The following PRSS22 variants were observed in gnomAD, a reference collection of about 807,000 sequenced individuals.
PRSS22 encodes serine protease 22, also known as brain-specific serine protease 4.
A neutral mutation model predicts 28.0 loss-of-function variants in PRSS22; 26 were observed. That is an observed-to-expected ratio of 0.93 (90% CI 0.68 to 1.29). The LOEUF is 1.29. Ranked by LOEUF, PRSS22 falls within the 50% of genes most tolerant of loss-of-function variation. PRSS22 has a pLI of 0.00. For synonymous variants in PRSS22, 217 were observed against 177.9 expected (o/e 1.22, Z -1.75); for missense variants, 444 against 422.1 (o/e 1.05, Z -0.46).
At chr16:2,855,445 T>C (rs2069445662) in intron 4 of PRSS22, 129 bp downstream of exon 4, 1 of 1,000,988 alleles carries the variant, frequency 1.0e-6, no homozygotes, top group Admixed American at 2.6e-5. Context: ...AGCCCATCTT[T>C]CCTTCCACCT....
In PRSS22 at chr16:2,857,224, TAGTGAGGAGGGTTCCCCAGCGCCC is replaced by T. The variant is rs1567291551; in HGVS notation, c.83-400_83-377del. On this transcript the variant is annotated intron_variant, in intron 1 of 5. Coordinates refer to ENST00000161006, the MANE Select transcript of PRSS22 (RefSeq NM_022119.4). ...CCAGTGAGGAGGGCTCCCCAGCGCC[TAGTGAGGAGGGTTCCCCAGCGCCC>T]AGTGAGGAGGGGTCCCCAGCGCCCA... 4.7e-3 allele frequency: 123 copies of T among 26,180 alleles called. 7 individuals are homozygous for T. Among genetic ancestry groups the T allele is most frequent in the East Asian group, 5.5e-3 (8 of 1,446 alleles). 1.6% of individuals were successfully genotyped at this position (26,180 alleles called of 1,614,324 possible). A position where few individuals can be genotyped will look rare whatever the true frequency, so the allele number is the denominator to read the frequency against.
Position 2,853,916 on chromosome 16 carries a change from A to G in PRSS22, c.666T>C (p.Thr222=), listed in dbSNP as rs1319861993. The G allele has an allele frequency of 1.2e-6, 2 of 1,614,136 alleles. No homozygotes were observed. Among genetic ancestry groups the G allele is most frequent in the East Asian group, 4.5e-5 (2 of 44,866 alleles). ...YWRGAGQGPI[T]EDMLCAGYLE... Reference sequence around the variant, plus strand: ...AGTAGCCGGCACACAGCATGTCCTCAGTGATGGGTCCCTGTCCTGCTCCCC... The same window carrying G: ...AGTAGCCGGCACACAGCATGTCCTCGGTGATGGGTCCCTGTCCTGCTCCCC... The change falls in exon 5 of 6, where the codon ACT becomes ACC. Residue 222 remains threonine, a synonymous_variant. Transcript: ENST00000161006. This position sits in a 1 kb window ranked among gnomAD's most constrained non-coding sequence, Gnocchi z 4.6.
At chr16:2,856,511 C>G (rs550400028) in intron 2 of PRSS22, among the ~76,000 whole-genome samples, 32 of 152,064 alleles carry the variant, frequency 2.1e-4, no homozygotes, top group Admixed American at 2.6e-4. Context: ...TCACTCTCTG[C>G]TGGTCCTCAC....
intron 4 of PRSS22, 56 bp downstream of exon 4, chr16:2,855,518 C>T (rs1054101202): frequency 4.4e-6 from 7 of 1,591,912 alleles, no homozygotes; most frequent in South Asian, 2.3e-5. Flanking sequence ...CCCTGAGTGT[C>T]TGCCATCCTC....
At position 2,852,892 on chromosome 16, in the gene PRSS22, C is replaced by CT. The variant is rs1325224674; in HGVS notation, c.*200dup. 1.8e-5 allele frequency: 10 copies of CT among 555,172 alleles called. No homozygotes were observed. Among genetic ancestry groups the CT allele is most frequent in the Non-Finnish European group, 3.1e-5 (10 of 320,224 alleles). The allele number at this position is 555,172 out of a possible 1,614,324, so 34.4% of individuals were successfully genotyped here. On this transcript the variant is annotated 3_prime_UTR_variant, in exon 6 of 6. Coordinates refer to ENST00000161006, the MANE Select transcript of PRSS22 (RefSeq NM_022119.4). ...GGGACATGAGGCCGTTGGGCGGGGCCTGATGCCTTGGAGGCGGGGCCTGAG... is the reference window on the plus strand; with the variant it reads ...GGGACATGAGGCCGTTGGGCGGGGCCTTGATGCCTTGGAGGCGGGGCCTGAG...
At chr16:2,854,432 T>G (rs1376622299) in intron 4 of PRSS22, 2 of 178,406 alleles carry the variant, frequency 1.1e-5, no homozygotes, top group Admixed American at 1.1e-4. Flanking sequence ...GACTGTGGTC[T>G]GCAGATTGTG....
At position 2,853,329 on chromosome 16, in the gene PRSS22, C is replaced by A; in HGVS notation, c.718G>T (p.Gly240Cys). The A allele has an allele frequency of 6.3e-7, 1 of 1,594,590 alleles. No individual in the cohort carries two copies. Among genetic ancestry groups the A allele is most frequent in the Non-Finnish European group, 8.5e-7 (1 of 1,177,726 alleles). ...CACATGAGGGGGCCCCCGGAGTCGC[C>A]CTGCAGAGAGGAGGCGAGGTTAGGA... ...YLEGERDACL[G>C]DSGGPLMCQV... Residue 240 changes from glycine (G) to cysteine (C), a missense_variant and splice_region_variant, in exon 6 of 6, where the codon GGC becomes TGC. Transcript: ENST00000161006. The surrounding 1 kb of genome is among the most constrained non-coding windows in gnomAD (Gnocchi z 4.6).
In PRSS22 at chr16:2,855,794, G is replaced by T; in HGVS notation, c.339C>A (p.Asn113Lys). The change falls in exon 4 of 6, where the codon AAC becomes AAA. Residue 113 changes from asparagine (N) to lysine (K), a missense_variant. By Grantham distance (94) the Asn-to-Lys change is moderately conservative. Coordinates refer to ENST00000161006, the MANE Select transcript of PRSS22 (RefSeq NM_022119.4). Reference sequence around the variant, plus strand: ...CCACCTTCTGGGACCGAGAGCCAGGGTTCCCCAGCTGCCAGGCCCCCAGCA... The same window carrying T: ...CCACCTTCTGGGACCGAGAGCCAGGTTTCCCCAGCTGCCAGGCCCCCAGCA... ...SVLLGAWQLG[N>K]PGSRSQKVGV... 1.9e-6 allele frequency: 3 copies of T among 1,613,972 alleles called. No homozygotes were observed. The highest frequency in any genetic ancestry group is 1.7e-5 in the Admixed American group (1 of 60,018).
At position 2,856,069 on chromosome 16, in the gene PRSS22, C is replaced by T. The variant is rs374618225; in HGVS notation, c.281+13G>A. 1.6e-5 allele frequency: 25 copies of T among 1,611,072 alleles called. No individual in the cohort carries two copies. The Admixed American group carries it at 1.8e-4, about 12-fold the overall frequency. On this transcript the variant is annotated intron_variant, in intron 3 of 5. Coordinates refer to ENST00000161006, the MANE Select transcript of PRSS22 (RefSeq NM_022119.4). Reference sequence around the variant, plus strand: ...CCTTAGAAGATCAAGTGCCCCAGGCCGGCTGTACATACTCCTTGAAACAGT... The same window carrying T: ...CCTTAGAAGATCAAGTGCCCCAGGCTGGCTGTACATACTCCTTGAAACAGT...
At chr16:2,855,484 C>A (rs1333448824) in intron 4 of PRSS22, 90 bp downstream of exon 4, 4 of 1,470,358 alleles carry the variant, frequency 2.7e-6, no homozygotes, top group African/African-American at 2.8e-5. Flanking sequence ...GGCCTCCACC[C>A]TTTGTTGCTC....
At position 2,855,718 on chromosome 16, in the gene PRSS22, A is replaced by G. The variant is rs771750930; in HGVS notation, c.415T>C (p.Cys139Arg). The change falls in exon 4 of 6, where the codon TGT becomes CGT. Residue 139 changes from cysteine (C) to arginine (R), a missense_variant. Physicochemically the swap from Cys to Arg is radical, Grantham distance 180 (BLOSUM62 -3). Transcript: ENST00000161006. ...AGACGCACCAGGGCAATGTCTGCACAGGCACCTTCCTTCCAGGAATACACA... is the reference window on the plus strand; with the variant it reads ...AGACGCACCAGGGCAATGTCTGCACGGGCACCTTCCTTCCAGGAATACACA... The part of the protein sequence containing the change: ...HPVYSWKEGA[C>R]ADIALVRLER... The G allele has an allele frequency of 1.9e-6, 3 of 1,614,220 alleles. No homozygotes were observed. Among genetic ancestry groups the G allele is most frequent in the Non-Finnish European group, 2.5e-6 (3 of 1,180,046 alleles).
chr16:2,854,875 G>T (rs2069440076), intron 4 of PRSS22, among the ~76,000 whole-genome samples: 1 of 151,962 alleles, frequency 6.6e-6, no homozygotes, highest in South Asian at 2.1e-4. Context: ...AATTTTGCCC[G>T]CAATTGTGGC....
At chr16:2,857,801 A>C in intron 1 of PRSS22, 1 of 385,128 alleles carries the variant, frequency 2.6e-6, no homozygotes, top group Non-Finnish European at 4.6e-6. Flanking sequence ...CGCCGACGGT[A>C]ACTGGAGACC....
At position 2,856,086 on chromosome 16, in the gene PRSS22, T is replaced by C; in HGVS notation, c.277A>G (p.Lys93Glu). Residue 93 changes from lysine (K) to glutamate (E), a missense_variant, in exon 3 of 6, where the codon AAG becomes GAG. Transcript: ENST00000161006. ...CCCCAGGCCGGCTGTACATACTCCT[T>C]GAAACAGTGGGCAGCAGTGATCACC... is the stretch of plus-strand genomic sequence containing the variant. ...RWVITAAHCF[K>E]DNLNKPYLFS... The C allele has an allele frequency of 1.2e-6, 2 of 1,613,766 alleles. No individual in the cohort carries two copies. Among genetic ancestry groups the C allele is most frequent in the Non-Finnish European group, 8.5e-7 (1 of 1,179,884 alleles).
chr16:2,855,896 A>T, intron 3 of PRSS22, 45 bp from the exon 4 acceptor site: 1 of 1,585,974 alleles, frequency 6.3e-7, no homozygotes. Context: ...CTGGTCTGGG[A>T]GGAGGTACCT....
At chr16:2,857,067 G>C in intron 1 of PRSS22, 1 of 614,578 alleles carries the variant, frequency 1.6e-6, no homozygotes, top group South Asian at 1.9e-5. Context: ...AGCGCCCAGT[G>C]AGGAGGGGTC....
intron 4 of PRSS22, 115 bp downstream of exon 4, chr16:2,855,459 T>C (rs1185619022): frequency 3.4e-6 from 4 of 1,185,490 alleles, no homozygotes; most frequent in Non-Finnish European, 4.8e-6. Context: ...TCCACCTCTG[T>C]CATGCTGTGC....
At position 2,853,445 on chromosome 16, in the gene PRSS22, T is replaced by C. The variant is rs1031904954; in HGVS notation, c.718-116A>G. 1.2e-6 allele frequency: 1 copy of C among 832,164 alleles called. No homozygotes were observed. Among genetic ancestry groups the C allele is most frequent in the Non-Finnish European group, 1.8e-6 (1 of 541,186 alleles). 51.5% of individuals were successfully genotyped at this position (832,164 alleles called of 1,614,324 possible). On this transcript the variant is annotated intron_variant, in intron 5 of 5. Transcript: ENST00000161006. The surrounding 1 kb of genome is among the most constrained non-coding windows in gnomAD (Gnocchi z 4.6). The stretch of plus-strand genomic sequence containing the variant: ...TTCCCGGGAGCCCGTTTCTCCTTCC[T>C]GGAGGAGACAGGACCTGAGCTCCAC...
At position 2,853,278 on chromosome 16, in the gene PRSS22, C is replaced by A; in HGVS notation, c.769G>T (p.Ala257Ser). ...MCQVDGAWLL[A>S]GIISWGEGCA... ...CCCTCGCCCCAGCTGATGATGCCGGCCAGCAGCCAGGCGCCGTCCACCTGG... is the reference window on the plus strand; with the variant it reads ...CCCTCGCCCCAGCTGATGATGCCGGACAGCAGCCAGGCGCCGTCCACCTGG... The change falls in exon 6 of 6, where the codon GCC becomes TCC. Residue 257 changes from alanine to serine, a missense_variant. Ala to Ser is a moderately conservative substitution (Grantham distance 99, BLOSUM62 1). Coordinates refer to ENST00000161006, the MANE Select transcript of PRSS22 (RefSeq NM_022119.4). The surrounding 1 kb of genome is among the most constrained non-coding windows in gnomAD (Gnocchi z 4.6). The A allele has an allele frequency of 6.2e-7, 1 of 1,600,044 alleles. No individual in the cohort carries two copies. Among genetic ancestry groups the A allele is most frequent in the African/African-American group, 1.3e-5 (1 of 75,024 alleles).
Sources: gnomAD v4.1 joint callset for allele counts (sites outside exome capture counted in the v4.1 genomes callset) on GRCh38, gnomAD v4.1.1 for gene constraint, Gnocchi (gnomAD v3.1) non-coding constraint, MANE v1.5 for transcripts, NCBI Gene and HGNC (gene_info 2026-07-23, HGNC 2026-07-21) for gene names.